CDH13: variants seen among roughly 807,000 people sequenced by gnomAD.
CDH13 encodes cadherin 13.
In CDH13, 24 loss-of-function variants were observed where a neutral mutation model predicts 63.8. That is an observed-to-expected ratio of 0.38 (90% confidence interval 0.27 to 0.53). CDH13 has a LOEUF of 0.53. CDH13 is among the 20% of genes least tolerant of loss of function. The pLI, the probability that CDH13 is intolerant of heterozygous loss-of-function variation, is 0.85. For synonymous variants in CDH13, 503 were observed against 355.3 expected, an observed-to-expected ratio of 1.42 and a Z score of -4.67; for missense variants, 1,049 against 903.1, an observed-to-expected ratio of 1.16 and a Z score of -2.07.
At chr16:83,749,830 C>G (rs753232808) in intron 11 of CDH13, among the ~76,000 whole-genome samples, 1 of 152,122 alleles carries the variant, frequency 6.6e-6, no homozygotes, top group Admixed American at 6.5e-5. Context: ...AAGCCCCTGT[C>G]CAGCCTGGGG....
At chr16:83,321,220 T>G (rs1330551484) in intron 5 of CDH13, among the ~76,000 whole-genome samples, 1 of 152,266 alleles carries the variant, frequency 6.6e-6, no homozygotes, top group Non-Finnish European at 1.5e-5. Flanking sequence ...ATTAACGTGC[T>G]AATTCAGGTC....
chr16:82,818,047 A>T (rs1008769592), intron 1 of CDH13, among the ~76,000 whole-genome samples: 3 of 152,206 alleles, frequency 2.0e-5, no homozygotes, highest in African/African-American at 7.2e-5. Context: ...TTGCATGCAT[A>T]CATACATGAC....
intron 3 of CDH13, among the ~76,000 whole-genome samples, chr16:83,038,845 CTGAGT>C (rs1414482778): frequency 6.6e-6 from 1 of 152,190 alleles, no homozygotes; most frequent in African/African-American, 2.4e-5. Flanking sequence ...CTCTTTCTTT[CTGAGT>C]TAAGAACTTG....
intron 4 of CDH13, among the ~76,000 whole-genome samples, chr16:83,150,153 TTGTC>T (rs10563628): frequency 0.052 from 7,866 of 152,210 alleles, 651 homozygotes; most frequent in African/African-American, 0.18. Flanking sequence ...TTGCTGGACT[TTGTC>T]TGTAACTTTC....
intron 6 of CDH13, chr16:83,397,209 A>T (rs1004824426): frequency 1.2e-4 from 18 of 152,144 alleles, no homozygotes; most frequent in African/African-American, 4.1e-4. Flanking sequence ...TGAGGGTCAC[A>T]GTAGTACATT....
At chr16:82,816,650 G>C (rs898938218) in intron 1 of CDH13, among the ~76,000 whole-genome samples, 14 of 152,062 alleles carry the variant, frequency 9.2e-5, no homozygotes, top group African/African-American at 2.7e-4. Flanking sequence ...GAAGCCCAAG[G>C]AGGTCATCAT....
At chr16:82,864,158 T>C (rs1240606895) in intron 2 of CDH13, among the ~76,000 whole-genome samples, 1 of 152,230 alleles carries the variant, frequency 6.6e-6, no homozygotes, top group East Asian at 1.9e-4. Context: ...TGTCACCCTT[T>C]TTGCTCTTCA....
intron 8 of CDH13, among the ~76,000 whole-genome samples, chr16:83,633,095 G>T (rs1175028421): frequency 9.9e-5 from 15 of 152,116 alleles, no homozygotes; most frequent in Admixed American, 7.9e-4. Flanking sequence ...GTAGGTTTTG[G>T]CCAGCTTCTT....
intron 2 of CDH13, among the ~76,000 whole-genome samples, chr16:83,010,040 C>A (rs1347934657): frequency 1.4e-5 from 2 of 147,580 alleles, no homozygotes; most frequent in African/African-American, 5.1e-5. Context: ...GAGGCTGAGG[C>A]AGGAGAATCA....
intron 7 of CDH13, among the ~76,000 whole-genome samples, chr16:83,555,423 C>G (rs2075582494): frequency 6.6e-6 from 1 of 152,210 alleles, no homozygotes; most frequent in Non-Finnish European, 1.5e-5. Context: ...TTCATATACA[C>G]ATTAAAATTT....
intron 2 of CDH13, among the ~76,000 whole-genome samples, chr16:82,999,474 A>C (rs2151420738): frequency 6.6e-6 from 1 of 152,328 alleles, no homozygotes; most frequent in East Asian, 1.9e-4. Context: ...ATGCCCTTAC[A>C]TCAAAATAAA....
intron 5 of CDH13, among the ~76,000 whole-genome samples, chr16:83,309,530 C>G (rs1386194571): frequency 6.6e-6 from 1 of 152,222 alleles, no homozygotes; most frequent in Non-Finnish European, 1.5e-5. Flanking sequence ...GCGAGTGCCG[C>G]CACGCCCAGC....
intron 4 of CDH13, among the ~76,000 whole-genome samples, chr16:83,143,854 C>T (rs1424880432): frequency 1.3e-5 from 2 of 151,948 alleles, no homozygotes; most frequent in African/African-American, 4.8e-5. Flanking sequence ...TAAACTAATC[C>T]TTGGAATTTG....
intron 5 of CDH13, among the ~76,000 whole-genome samples, chr16:83,321,075 G>T (rs1042689332): frequency 6.6e-6 from 1 of 152,226 alleles, no homozygotes; most frequent in South Asian, 2.1e-4. Context: ...GTTCATTGAT[G>T]AAGTATGGAA....
At chr16:82,717,032 G>T (rs1028936291) in intron 1 of CDH13, among the ~76,000 whole-genome samples, 2 of 152,056 alleles carry the variant, frequency 1.3e-5, no homozygotes, top group African/African-American at 4.8e-5. Context: ...AGCTTGGCCA[G>T]ATGCTGCAGT....
At chr16:82,654,339 C>G (rs1394541104) in intron 1 of CDH13, among the ~76,000 whole-genome samples, 1 of 152,112 alleles carries the variant, frequency 6.6e-6, no homozygotes, top group East Asian at 1.9e-4. Context: ...AGGGCATCCC[C>G]AAATCTCTTG....
intron 5 of CDH13, among the ~76,000 whole-genome samples, chr16:83,255,676 C>T (rs959500895): frequency 2.0e-5 from 3 of 152,060 alleles, no homozygotes; most frequent in East Asian, 3.9e-4. Flanking sequence ...AGGATAAATA[C>T]GGAATTCTAG....
rs576154907 is a variant in CDH13, at chr16:83,644,826, G to A, written c.1102-25964G>A. Among the ~76,000 whole-genome samples the A allele has an allele frequency of 6.6e-5, 10 of 152,326 alleles. No homozygotes were observed. The East Asian group carries it at 1.9e-3, about 29-fold the overall frequency. ...ACTAATATCCTTCATGCTTCCACGG[G>A]CATGAACTTGAACTTGCAGTGGAAG... On this transcript the variant is annotated intron_variant, in intron 8 of 13. Transcript: ENST00000567109.
chr16:83,017,788 C>T (rs1914948731), intron 2 of CDH13, among the ~76,000 whole-genome samples: 2 of 152,030 alleles, frequency 1.3e-5, no homozygotes, highest in South Asian at 2.1e-4. Context: ...TCATATGAAC[C>T]AACACGCTTT....
Sources: gnomAD v4.1 joint callset for allele counts (sites outside exome capture counted in the v4.1 genomes callset) on GRCh38, gnomAD v4.1.1 for gene constraint, MANE v1.5 for transcripts, NCBI Gene and HGNC (gene_info 2026-07-23, HGNC 2026-07-21) for gene names.